RSU1: variants seen among roughly 807,000 people sequenced by gnomAD.
RSU1 encodes Ras suppressor protein 1.
Under a neutral mutation model 31.1 loss-of-function variants are expected in RSU1, and 26 were observed. That is an observed-to-expected ratio of 0.84 (90% CI 0.61 to 1.16). The LOEUF (loss-of-function observed/expected upper bound fraction) is 1.16, where lower values mean the gene tolerates loss of function less well. Among genes scored for constraint, RSU1 ranks in the 50% most tolerant of loss-of-function variants. RSU1 has a pLI of 0.00. For synonymous variants in RSU1, 164 were observed against 136.3 expected (o/e 1.20, Z -1.41); for missense variants, 320 against 339.1 (o/e 0.94, Z 0.44).
intron 3 of RSU1, among the ~76,000 whole-genome samples, chr10:16,770,771 G>A (rs1292994157): frequency 6.6e-6 from 1 of 152,224 alleles, no homozygotes; most frequent in African/African-American, 2.4e-5. Context: ...AGGACAGCAG[G>A]TGGCATCGCG....
rs143311612 is a variant in RSU1 at position 16,796,362 on chromosome 10, C to A, written c.110-14278G>T. 4.0e-3 allele frequency among the ~76,000 whole-genome samples: 614 copies of A among 152,236 alleles called. 2 individuals are homozygous for A. The highest frequency in any genetic ancestry group is 0.013 in the African/African-American group (553 of 41,508). ...TCTGATCTGCTCCAGGGCCTCGCTA[C>A]GTCTTCACTGTGTGTGATGTCTCTT... On this transcript the variant is annotated intron_variant, in intron 2 of 8. Coordinates refer to ENST00000345264, the MANE Select transcript of RSU1 (RefSeq NM_012425.4).
At chr10:16,595,362 G>T (rs1035209054) in intron 8 of RSU1, among the ~76,000 whole-genome samples, 1 of 152,198 alleles carries the variant, frequency 6.6e-6, no homozygotes, top group African/African-American at 2.4e-5. Flanking sequence ...AACTATTCCA[G>T]TCTTCCAAGT....
chr10:16,672,515 A>G (rs1164683891), intron 8 of RSU1, among the ~76,000 whole-genome samples: 1 of 152,202 alleles, frequency 6.6e-6, no homozygotes, highest in Non-Finnish European at 1.5e-5. Flanking sequence ...TATCCACACA[A>G]TGGACTACAA....
chr10:16,797,101 G>A (rs1838054412), intron 2 of RSU1, among the ~76,000 whole-genome samples: 1 of 152,180 alleles, frequency 6.6e-6, no homozygotes, highest in African/African-American at 2.4e-5. Flanking sequence ...GGGTCTGATG[G>A]ATTAGGACAA....
intron 2 of RSU1, among the ~76,000 whole-genome samples, chr10:16,786,764 G>A (rs10904809): frequency 6.6e-6 from 1 of 151,870 alleles, no homozygotes; most frequent in Non-Finnish European, 1.5e-5. Context: ...ACTCCGCTTC[G>A]TTGGCCTTTA....
intron 3 of RSU1, among the ~76,000 whole-genome samples, chr10:16,778,018 CTT>C (rs10685188): frequency 2.1e-4 from 25 of 117,600 alleles, no homozygotes; most frequent in Admixed American, 1.9e-4. Context: ...GGTCATATAC[CTT>C]TTTTTTTTTT....
At chr10:16,763,514 C>T (rs913361629) in intron 4 of RSU1, among the ~76,000 whole-genome samples, 1 of 152,162 alleles carries the variant, frequency 6.6e-6, no homozygotes, top group African/African-American at 2.4e-5. Context: ...AGTGCTAAAC[C>T]ATTCAGGAGA....
chr10:16,722,687 C>G (rs560504869), intron 7 of RSU1, among the ~76,000 whole-genome samples: 2 of 151,942 alleles, frequency 1.3e-5, no homozygotes, highest in South Asian at 2.1e-4. Context: ...AGACAATATT[C>G]CAGACAATAG....
chr10:16,717,776 G>A (rs1836172557), intron 7 of RSU1, among the ~76,000 whole-genome samples: 1 of 152,028 alleles, frequency 6.6e-6, no homozygotes. Context: ...TATGACTCAA[G>A]GGAAAAAATG....
At chr10:16,801,160 T>C (rs896171385) in intron 2 of RSU1, among the ~76,000 whole-genome samples, 1 of 149,892 alleles carries the variant, frequency 6.7e-6, no homozygotes, top group East Asian at 1.9e-4. Context: ...ATATAAAATA[T>C]AGATACAACT....
intron 8 of RSU1, among the ~76,000 whole-genome samples, chr10:16,632,704 C>G (rs546211546): frequency 1.3e-5 from 2 of 152,002 alleles, no homozygotes; most frequent in African/African-American, 4.8e-5. Flanking sequence ...TTTGAGAGGC[C>G]GAGATGGGCA....
intron 7 of RSU1, among the ~76,000 whole-genome samples, chr10:16,699,099 A>G (rs1431152890): frequency 6.6e-6 from 1 of 152,246 alleles, no homozygotes; most frequent in East Asian, 1.9e-4. Context: ...ACCCAGGTAT[A>G]ATGTCCGTGG....
intron 7 of RSU1, among the ~76,000 whole-genome samples, chr10:16,704,909 T>C (rs1385277193): frequency 3.3e-5 from 5 of 152,212 alleles, no homozygotes; most frequent in Admixed American, 1.3e-4. Context: ...TTTAAGGGTA[T>C]GGTTTGGTGA....
intron 8 of RSU1, among the ~76,000 whole-genome samples, chr10:16,630,260 C>T (rs1834226491): frequency 6.6e-6 from 1 of 152,090 alleles, no homozygotes; most frequent in Admixed American, 6.6e-5. Flanking sequence ...TGGAATATTG[C>T]CTGTATCATA....
In RSU1 at chr10:16,593,433, T is replaced by G; in HGVS notation, c.795A>C (p.Lys265Asn). 6.2e-7 allele frequency: 1 copy of G among 1,614,138 alleles called. No individual in the cohort carries two copies. The highest frequency in any genetic ancestry group is 8.5e-7 in the Non-Finnish European group (1 of 1,180,022). The change falls in exon 9 of 9, where the codon AAA becomes AAC. Residue 265 changes from lysine to asparagine, a missense_variant. Transcript: ENST00000345264. ...CTGCCAGGGGTTTCCGGCTGATCTT[T>G]TTCGATTTGTCATTATTCTTCTTCG... ...EPPKKNNDKS[K>N]KISRKPLAAK...
chr10:16,741,256 A>G (rs1836744243), intron 7 of RSU1, among the ~76,000 whole-genome samples: 1 of 152,258 alleles, frequency 6.6e-6, no homozygotes, highest in Admixed American at 6.5e-5. Context: ...CAGGACAGCC[A>G]CAGGCAAAAG....
rs1218784163 is a variant in RSU1 at position 16,645,938 on chromosome 10, G to GTA, written c.731+49083_731+49084dup. Among the ~76,000 whole-genome samples, 13 of 27,118 alleles carry GTA rather than the reference G, an allele frequency of 4.8e-4. 4 individuals are homozygous for GTA. Among genetic ancestry groups the GTA allele is most frequent in the Admixed American group, 8.5e-4 (2 of 2,366 alleles). The allele number at this position is 27,118 out of a possible 152,430, so 17.8% of individuals were successfully genotyped here. A position where few individuals can be genotyped will look rare whatever the true frequency, so the allele number is the denominator to read the frequency against. ...TATATATGTGTATATACACATATGTGTATATATATGTGTATATACATATAT... is the reference window on the plus strand; with the variant it reads ...TATATATGTGTATATACACATATGTGTATATATATATGTGTATATACATATAT... On this transcript the variant is annotated intron_variant, in intron 8 of 8. Transcript: ENST00000345264.
At chr10:16,652,838 G>C (rs1353686900) in intron 8 of RSU1, among the ~76,000 whole-genome samples, 1 of 151,594 alleles carries the variant, frequency 6.6e-6, no homozygotes, top group Admixed American at 6.6e-5. Context: ...GCACCACCAT[G>C]CCTGGCTACA....
At chr10:16,647,766 G>T (rs947669484) in intron 8 of RSU1, among the ~76,000 whole-genome samples, 12 of 152,070 alleles carry the variant, frequency 7.9e-5, no homozygotes, top group Admixed American at 7.9e-4. Flanking sequence ...CTAACTGTAT[G>T]AATATATAAA....
Sources: gnomAD v4.1 joint callset for allele counts (sites outside exome capture counted in the v4.1 genomes callset) on GRCh38, gnomAD v4.1.1 for gene constraint, MANE v1.5 for transcripts, NCBI Gene and HGNC (gene_info 2026-07-23, HGNC 2026-07-21) for gene names.